Variants in IL27RA observed in about 807,000 individuals in gnomAD.
The protein encoded by IL27RA is interleukin-27 receptor subunit alpha.
In IL27RA, 61 loss-of-function variants were observed where a neutral mutation model predicts 80.8. The observed-to-expected ratio is 0.76, with a 90% CI of 0.61 to 0.93. IL27RA has a LOEUF of 0.93. Among genes scored for constraint, IL27RA ranks in the 40% least tolerant of loss-of-function variants. The pLI is 0.00. For missense variants in IL27RA, 735 were observed against 808.1 expected, an observed-to-expected ratio of 0.91 and a Z score of 1.10; for synonymous variants, 316 against 332.5, an observed-to-expected ratio of 0.95 and a Z score of 0.54.
In IL27RA at chr19:14,039,673, G is replaced by A. The variant is rs1197262544; in HGVS notation, c.376+8G>A. 1 of 1,612,734 alleles carries A rather than the reference G, an allele frequency of 6.2e-7. No homozygotes were observed. The highest frequency in any genetic ancestry group is 8.5e-7 in the Non-Finnish European group (1 of 1,179,212). On this transcript the variant is annotated splice_region_variant and intron_variant, in intron 3 of 13. Transcript: ENST00000263379. ...TGAACCTAGAAACCCAAAGTAACGT[G>A]GCAGGAGGGTGGGCGCTCTATGCGG... is the stretch of plus-strand genomic sequence containing the variant.
In IL27RA at chr19:14,049,005, A is replaced by G. The variant is rs199785160; in HGVS notation, c.1166A>G (p.Tyr389Cys). 7.1e-5 allele frequency: 114 copies of G among 1,614,022 alleles called. No individual in the cohort carries two copies. Among genetic ancestry groups the G allele is most frequent in the Non-Finnish European group, 9.0e-5 (106 of 1,179,966 alleles). The change falls in exon 9 of 14, where the codon TAT becomes TGT. Residue 389 changes from tyrosine to cysteine, a missense_variant. Coordinates refer to ENST00000263379, the MANE Select transcript of IL27RA (RefSeq NM_004843.4). ...GGGAATTTCACTGTCGGGGTCCCCT[A>G]TCGAATCACTGTGACCGCAGTCTCT... ...LPGNFTVGVP[Y>C]RITVTAVSAS... is the part of the protein sequence containing the mutation.
chr19:14,052,283 T>C lies in IL27RA; in HGVS notation c.1904T>C (p.Leu635Pro). The C allele has an allele frequency of 6.7e-7, 1 of 1,503,666 alleles. No individual in the cohort carries two copies. The highest frequency in any genetic ancestry group is 1.4e-5 in the African/African-American group (1 of 71,680). 93.1% of individuals were successfully genotyped at this position (1,503,666 alleles called of 1,614,324 possible). Residue 635 changes from leucine to proline, a missense_variant, in exon 14 of 14, where the codon CTG (leucine) becomes CCG (proline). Physicochemically the swap from Leu to Pro is moderately conservative, Grantham distance 98. Coordinates refer to ENST00000263379, the MANE Select transcript of IL27RA (RefSeq NM_004843.4). ...CTGGGGCCCCCCAGGCCACAGGTTC[T>C]GGCCTGAACCACACGTCTGGCTGGG... ...GLLGPPRPQV[L>P]A
chr19:14,042,391 A>G (rs1011618716), intron 4 of IL27RA, 62 bp from the exon 5 acceptor site: 23 of 1,494,926 alleles, frequency 1.5e-5, no homozygotes, highest in Non-Finnish European at 1.8e-5. Flanking sequence ...AAAAAAAAAG[A>G]TAAGTTCAAA....
At chr19:14,047,053 T>G (rs921881310) in intron 8 of IL27RA, among the ~76,000 whole-genome samples, 4 of 151,748 alleles carry the variant, frequency 2.6e-5, no homozygotes, top group African/African-American at 9.7e-5. Flanking sequence ...CTTTTTTTTT[T>G]GCTTTTTGGA....
intron 10 of IL27RA, among the ~76,000 whole-genome samples, chr19:14,050,177 T>C (rs1351808472): frequency 1.3e-5 from 2 of 149,668 alleles, no homozygotes; most frequent in Non-Finnish European, 3.0e-5. Flanking sequence ...ATCTAAGCAG[T>C]GTATGAGATG....
chr19:14,045,222 G>A (rs543010766), intron 6 of IL27RA, among the ~76,000 whole-genome samples: 1 of 151,188 alleles, frequency 6.6e-6, no homozygotes, highest in East Asian at 1.9e-4. Context: ...AGGATGTTGA[G>A]GCTGCAGTGA....
chr19:14,034,805 T>G (rs1599545709), intron 2 of IL27RA, among the ~76,000 whole-genome samples: 1 of 151,376 alleles, frequency 6.6e-6, no homozygotes, highest in African/African-American at 2.4e-5. Flanking sequence ...ACAAAAAAAT[T>G]AGCTGGGCGT....
At chr19:14,042,856 A>G (rs1402765959) in intron 6 of IL27RA, 67 bp downstream of exon 6, 1 of 1,395,786 alleles carries the variant, frequency 7.2e-7, no homozygotes, top group African/African-American at 1.4e-5. Context: ...CAATGACATA[A>G]GGCCGGATGC....
chr19:14,032,290 C>T (rs1381324849), intron 1 of IL27RA, 96 bp from the exon 2 acceptor site: 3 of 957,270 alleles, frequency 3.1e-6, no homozygotes, highest in African/African-American at 1.6e-5. Context: ...CTAAGCCCCC[C>T]CACCTTGCAA....
intron 1 of IL27RA, among the ~76,000 whole-genome samples, 177 bp downstream of exon 1, chr19:14,032,149 A>G (rs1975825222): frequency 6.6e-6 from 1 of 151,982 alleles, no homozygotes; most frequent in Non-Finnish European, 1.5e-5. Context: ...GCGAGGTCGA[A>G]CCGGAGCCCC....
Position 14,032,471 on chromosome 19 carries a change from C to T in IL27RA, c.186C>T (p.Ala62=), listed in dbSNP as rs762114423. ...GGGAGCCTCTTGGGGACCTGGGAGC[C>T]CCCTCCGAGTTACACCTCCAGAGCC... is the stretch of plus-strand genomic sequence containing the variant. ...CSWEPLGDLG[A]PSELHLQSQK... Residue 62 remains alanine, a synonymous_variant, in exon 2 of 14, where the codon GCC becomes GCT. Transcript: ENST00000263379. 138 of 1,613,396 alleles carry T rather than the reference C, an allele frequency of 8.6e-5. No individual in the cohort carries two copies. Among genetic ancestry groups the T allele is most frequent in the Non-Finnish European group, 1.1e-4 (126 of 1,179,760 alleles).
At chr19:14,035,545 G>C (rs901807621) in intron 2 of IL27RA, among the ~76,000 whole-genome samples, 7 of 151,882 alleles carry the variant, frequency 4.6e-5, no homozygotes, top group African/African-American at 1.7e-4. Context: ...ACAGGCACAC[G>C]CCACCACGCA....
intron 10 of IL27RA, 140 bp downstream of exon 10, chr19:14,049,454 T>C: frequency 1.4e-6 from 1 of 724,596 alleles, no homozygotes; most frequent in South Asian, 2.9e-5. Context: ...TGGCTATCAA[T>C]GTAACGAGCT....
intron 8 of IL27RA, among the ~76,000 whole-genome samples, chr19:14,047,340 A>G (rs10422837): frequency 0.38 from 56,267 of 147,538 alleles, 12,097 homozygotes; most frequent in African/African-American, 0.59. Flanking sequence ...ATGAGCCACT[A>G]TGCCCAGCCT....
chr19:14,033,821 C>T (rs571770812), intron 2 of IL27RA, among the ~76,000 whole-genome samples: 2 of 151,648 alleles, frequency 1.3e-5, no homozygotes, highest in African/African-American at 2.4e-5. Flanking sequence ...AAAGATTAGC[C>T]GATGTGGTGG....
At chr19:14,035,184 A>C (rs1465014297) in intron 2 of IL27RA, among the ~76,000 whole-genome samples, 3 of 151,814 alleles carry the variant, frequency 2.0e-5, no homozygotes, top group African/African-American at 7.3e-5. Flanking sequence ...TTTAGTAGAC[A>C]CAGGGTTTTA....
chr19:14,042,823 C>G lies in IL27RA; in HGVS notation c.768+34C>G, dbSNP rs777293079. ...CAGGCACCAGTTACATTTCTCTGCA[C>G]GTGTTAGGAAACCCCTAAATAACAA... On this transcript the variant is annotated intron_variant, in intron 6 of 13. Coordinates refer to ENST00000263379, the MANE Select transcript of IL27RA (RefSeq NM_004843.4). The G allele has an allele frequency of 2.5e-6, 4 of 1,572,344 alleles. No individual in the cohort carries two copies. The African/African-American group carries it at 5.4e-5, about 21-fold the overall frequency.
At chr19:14,033,972 TAAAAATA>T (rs1288716412) in intron 2 of IL27RA, among the ~76,000 whole-genome samples, 3 of 151,770 alleles carry the variant, frequency 2.0e-5, no homozygotes, top group Non-Finnish European at 2.9e-5. Context: ...TCAAAAACAC[TAAAAATA>T]AAAAATAAAA....
intron 2 of IL27RA, among the ~76,000 whole-genome samples, chr19:14,035,875 G>C (rs1467395065): frequency 6.6e-6 from 1 of 151,824 alleles, no homozygotes; most frequent in Non-Finnish European, 1.5e-5. Context: ...CAAACTCCTG[G>C]GCTCCAGCCA....
Sources: gnomAD v4.1 joint callset for allele counts (sites outside exome capture counted in the v4.1 genomes callset) on GRCh38, gnomAD v4.1.1 for gene constraint, MANE v1.5 for transcripts, NCBI Gene and HGNC (gene_info 2026-07-23, HGNC 2026-07-21) for gene names.